Variants in DMXL2 observed in about 807,000 individuals in gnomAD.
DMXL2 encodes Dmx like 2.
In DMXL2, 103 loss-of-function variants were observed where a neutral mutation model predicts 331.1. The observed-to-expected ratio is 0.31, with a 90% CI of 0.27 to 0.37. The LOEUF (loss-of-function observed/expected upper bound fraction) is 0.37, where lower values mean the gene tolerates loss of function less well. Among genes scored for constraint, DMXL2 ranks in the 10% least tolerant of loss-of-function variants. The pLI is 1.00. For missense variants in DMXL2, 3,171 were observed against 3,642.9 expected (o/e 0.87, Z 3.33); for synonymous variants, 1,281 against 1,252.1 (o/e 1.02, Z -0.49).
At chr15:51,569,857 A>T (rs1298507163) in intron 2 of DMXL2, among the ~76,000 whole-genome samples, 1 of 152,206 alleles carries the variant, frequency 6.6e-6, no homozygotes, top group Non-Finnish European at 1.5e-5. Flanking sequence ...AATGGCTGAA[A>T]ATTCCCAAAA....
At chr15:51,568,713 TAA>T (rs2050457173) in intron 2 of DMXL2, among the ~76,000 whole-genome samples, 155 bp from the exon 3 acceptor site, 1 of 152,200 alleles carries the variant, frequency 6.6e-6, no homozygotes, top group Non-Finnish European at 1.5e-5. Flanking sequence ...GTACTGGAGT[TAA>T]GAGTCTCTCC....
chr15:51,553,627 C>T (rs1008103609), intron 6 of DMXL2, among the ~76,000 whole-genome samples: 11 of 152,190 alleles, frequency 7.2e-5, no homozygotes, highest in Non-Finnish European at 1.6e-4. Context: ...CCTCCTCTCT[C>T]ACCTACTAAA....
chr15:51,530,362 G>A (rs969682188), intron 13 of DMXL2, among the ~76,000 whole-genome samples: 7 of 152,018 alleles, frequency 4.6e-5, no homozygotes, highest in Non-Finnish European at 1.0e-4. Context: ...CATTAGAATT[G>A]ATAAATTCAG....
chr15:51,520,708 T>C (rs2047308991), intron 13 of DMXL2, among the ~76,000 whole-genome samples: 1 of 152,040 alleles, frequency 6.6e-6, no homozygotes, highest in South Asian at 2.1e-4. Context: ...AATACAAAAA[T>C]TAGTTGGGCG....
chr15:51,565,130 A>C lies in DMXL2; in HGVS notation c.322T>G (p.Phe108Val). ...KCQWLKTGQF[F>V]LSSVTYNLAW... The stretch of plus-strand genomic sequence containing the variant: ...AAGTTGTATGTCACAGAACTCAAAA[A>C]AAACTGCCCAGTTTTAAGCCACTGG... Residue 108 changes from phenylalanine to valine, a missense_variant, in exon 4 of 44, where the codon TTT (phenylalanine) becomes GTT (valine). Phe to Val is a conservative substitution (Grantham distance 50). This residue lies in a region of DMXL2 where 1,674 missense variants were observed against 1,780.2 expected (regional missense o/e 0.94). Coordinates refer to ENST00000560891, the MANE Select transcript of DMXL2 (RefSeq NM_001378457.1). The C allele has an allele frequency of 6.3e-7, 1 of 1,586,206 alleles. No homozygotes were observed. Among genetic ancestry groups the C allele is most frequent in the Non-Finnish European group, 8.6e-7 (1 of 1,168,160 alleles).
Position 51,449,154 on chromosome 15 carries a change from T to G in DMXL2, c.9007A>C (p.Lys3003Gln). 1 of 1,614,166 alleles carries G rather than the reference T, an allele frequency of 6.2e-7. No homozygotes were observed. Among genetic ancestry groups the G allele is most frequent in the African/African-American group, 1.3e-5 (1 of 75,030 alleles). Reference sequence around the variant, plus strand: ...ATGGACTGCTTAGCATGTTCACTTTTAAATGAATGAATTAGGCCATGGCCT... The same window carrying G: ...ATGGACTGCTTAGCATGTTCACTTTGAAATGAATGAATTAGGCCATGGCCT... ...LTGHGLIHSF[K>Q]SEHAKQSIFR... Residue 3003 changes from lysine (K) to glutamine (Q), a missense_variant, in exon 44 of 44, where the codon AAA becomes CAA. By Grantham distance (53) the Lys-to-Gln change is moderately conservative. This residue lies in a region of DMXL2 where 766 missense variants were observed against 940.5 expected (regional missense o/e 0.81). Transcript: ENST00000560891.
rs374012537 is a variant in DMXL2 at position 51,571,885 on chromosome 15, G to C, written c.214-3327C>G. On this transcript the variant is annotated intron_variant, in intron 2 of 43. Coordinates refer to ENST00000560891, the MANE Select transcript of DMXL2 (RefSeq NM_001378457.1). ...CATCACAATTAAAAGAACTAGAGAA[G>C]CAAGAGCAAACATATTCAAAAGCTA... 1.3e-4 allele frequency among the ~76,000 whole-genome samples: 20 copies of C among 152,168 alleles called. No homozygotes were observed. In the East Asian group the frequency reaches 3.9e-3, roughly 29 times the overall value.
At chr15:51,465,306 G>A (rs1433945583) in intron 31 of DMXL2, among the ~76,000 whole-genome samples, 3 of 152,112 alleles carry the variant, frequency 2.0e-5, no homozygotes, top group African/African-American at 4.8e-5. Flanking sequence ...GAGGTGGGAG[G>A]ATGGCTTGAG....
intron 1 of DMXL2, among the ~76,000 whole-genome samples, chr15:51,611,145 A>C (rs1429930330): frequency 6.6e-6 from 1 of 152,086 alleles, no homozygotes; most frequent in Non-Finnish European, 1.5e-5. Context: ...ATAAAATAGA[A>C]AATAAGTATA....
At chr15:51,509,328 AAAAAG>A (rs2046610700) in intron 15 of DMXL2, among the ~76,000 whole-genome samples, 1 of 152,138 alleles carries the variant, frequency 6.6e-6, no homozygotes, top group Non-Finnish European at 1.5e-5. Context: ...TAATAAAGAA[AAAAAG>A]AAAAGAATCA....
At chr15:51,457,740 T>C (rs2039762746) in intron 36 of DMXL2, 1 of 346,366 alleles carries the variant, frequency 2.9e-6, no homozygotes, top group South Asian at 3.9e-5. Context: ...TGGAAAAATA[T>C]TATGTTCTCT....
chr15:51,498,728 G>C lies in DMXL2; in HGVS notation c.4496C>G (p.Ser1499Cys). The C allele has an allele frequency of 4.3e-6, 7 of 1,614,148 alleles. No individual in the cohort carries two copies. Among genetic ancestry groups the C allele is most frequent in the Non-Finnish European group, 5.9e-6 (7 of 1,180,014 alleles). Residue 1499 changes from serine (S) to cysteine (C), a missense_variant, in exon 18 of 44, where the codon TCT becomes TGT. Ser to Cys is a moderately radical substitution (Grantham distance 112). Coordinates refer to ENST00000560891, the MANE Select transcript of DMXL2 (RefSeq NM_001378457.1). Reference protein sequence around the residue: ...RENKSKVINLSQYGPAYFGQE... With the variant: ...RENKSKVINLCQYGPAYFGQE... ...GCCAAAGTAAGCTGGTCCATATTGAGAAAGATTTATTACTTTTGATTTGTT... is the reference window on the plus strand; with the variant it reads ...GCCAAAGTAAGCTGGTCCATATTGACAAAGATTTATTACTTTTGATTTGTT...
At chr15:51,615,065 G>A (rs2054206838) in intron 1 of DMXL2, among the ~76,000 whole-genome samples, 2 of 152,184 alleles carry the variant, frequency 1.3e-5, no homozygotes, top group African/African-American at 2.4e-5. Flanking sequence ...ATTAGATACG[G>A]GACATAAATG....
Position 51,568,500 on chromosome 15 carries a change from T to C in DMXL2, c.272A>G (p.His91Arg). ...GTTAATACTTACACAATTTCTTTTATGAGAATTTATGCCCAAGGGCTCAAA... is the reference window on the plus strand; with the variant it reads ...GTTAATACTTACACAATTTCTTTTACGAGAATTTATGCCCAAGGGCTCAAA... ...CIFEPLGINSHKRNCQLKCQW... is the reference protein window; with the variant it reads ...CIFEPLGINSRKRNCQLKCQW... The change falls in exon 3 of 44, where the codon CAT becomes CGT. Residue 91 changes from histidine (H) to arginine (R), a missense_variant. Physicochemically the swap from His to Arg is conservative, Grantham distance 29. Around this residue, in one of 7 missense-constraint regions of DMXL2, gnomAD observed 1,674 missense variants for 1,780.2 expected, o/e 0.94. Transcript: ENST00000560891. 1 of 1,566,262 alleles carries C rather than the reference T, an allele frequency of 6.4e-7. No homozygotes were observed. Among genetic ancestry groups the C allele is most frequent in the Non-Finnish European group, 8.6e-7 (1 of 1,161,578 alleles).
In DMXL2 at chr15:51,507,200, CCTT is replaced by C. The variant is rs2140552623; in HGVS notation, c.2695_2697del (p.Lys899del). On this transcript the variant is annotated inframe_deletion, in exon 16 of 44. Transcript: ENST00000560891. ...TGCAGAATAGAGTTATTATTGCTGT[CCTT>C]CTCAATTACTACTAGAAAGAACTTT... The C allele has an allele frequency of 6.2e-7, 1 of 1,611,054 alleles. No homozygotes were observed. Among genetic ancestry groups the C allele is most frequent in the Non-Finnish European group, 8.5e-7 (1 of 1,178,196 alleles).
rs765080082 is a variant in DMXL2 at position 51,495,147 on chromosome 15, C to A, written c.4673-13G>T. ...AATGTATCTCTTCCTGTAATTTAAA[C>A]AGGAAATATGTTTAAGGAAAAAAGA... On this transcript the variant is annotated splice_polypyrimidine_tract_variant and intron_variant, in intron 18 of 43. Transcript: ENST00000560891. The A allele has an allele frequency of 1.3e-6, 2 of 1,572,334 alleles. No individual in the cohort carries two copies. Among genetic ancestry groups the A allele is most frequent in the South Asian group, 2.2e-5 (2 of 89,572 alleles).
In DMXL2 at chr15:51,471,263, A is replaced by G; in HGVS notation, c.7352T>C (p.Ile2451Thr). 6.2e-7 allele frequency: 1 copy of G among 1,614,084 alleles called. No homozygotes were observed. The highest frequency in any genetic ancestry group is 8.5e-7 in the Non-Finnish European group (1 of 1,179,952). ...ATCCCACATACTAAGTTCGGGAGGA[A>G]TAAATTTTTCTTTGTAAGATGGTCT... ...AERPSYKEKF[I>T]PPELSMWDYF... The change falls in exon 29 of 44, where the codon ATT (isoleucine) becomes ACT (threonine). Residue 2451 changes from isoleucine to threonine, a missense_variant. Physicochemically the swap from Ile to Thr is moderately conservative, Grantham distance 89. Around this residue, in one of 7 missense-constraint regions of DMXL2, gnomAD observed 766 missense variants for 940.5 expected, o/e 0.81. Coordinates refer to ENST00000560891, the MANE Select transcript of DMXL2 (RefSeq NM_001378457.1).
At position 51,499,548 on chromosome 15, in the gene DMXL2, C is replaced by A. The variant is rs747311914; in HGVS notation, c.3676G>T (p.Val1226Phe). The A allele has an allele frequency of 1.2e-6, 2 of 1,614,110 alleles. No individual in the cohort carries two copies. Among genetic ancestry groups the A allele is most frequent in the South Asian group, 2.2e-5 (2 of 91,076 alleles). Residue 1226 changes from valine (V) to phenylalanine (F), a missense_variant, in exon 18 of 44, where the codon GTT becomes TTT. Physicochemically the swap from Val to Phe is conservative, Grantham distance 50. This residue lies in a region of DMXL2 where 1,674 missense variants were observed against 1,780.2 expected (regional missense o/e 0.94). Coordinates refer to ENST00000560891, the MANE Select transcript of DMXL2 (RefSeq NM_001378457.1). ...CTAAGAAGAACCCATCTTGACTTAA[C>A]TCCTTGCTTGATACTACCACCTAGT... is the stretch of plus-strand genomic sequence containing the variant. The part of the protein sequence containing the change: ...LPLGGSIKQG[V>F]KSRWVLLRSI...
Position 51,471,316 on chromosome 15 carries a change from A to G in DMXL2, c.7299T>C (p.Asp2433=). The G allele has an allele frequency of 6.2e-7, 1 of 1,614,068 alleles. No individual in the cohort carries two copies. Among genetic ancestry groups the G allele is most frequent in the Non-Finnish European group, 8.5e-7 (1 of 1,179,946 alleles). ...RMLVPGRPVK[D]ATPPPVPAER... Reference sequence around the variant, plus strand: ...CTGCAGGCACCGGTGGTGGGGTAGCATCTTTTACAGGCCTTCCAGGGACGA... The same window carrying G: ...CTGCAGGCACCGGTGGTGGGGTAGCGTCTTTTACAGGCCTTCCAGGGACGA... Residue 2433 remains aspartate (D), a synonymous_variant, in exon 29 of 44, where the codon GAT becomes GAC. Coordinates refer to ENST00000560891, the MANE Select transcript of DMXL2 (RefSeq NM_001378457.1).
Sources: allele counts gnomAD v4.1 joint callset (sites outside exome capture counted in the v4.1 genomes callset), GRCh38; gene constraint gnomAD v4.1.1; regional missense constraint gnomAD v4.1.1; transcripts MANE v1.5; gene names NCBI Gene and HGNC (gene_info 2026-07-23, HGNC 2026-07-21).